Variants in ATP10B observed in about 807,000 individuals in gnomAD.
The protein encoded by ATP10B is ATPase phospholipid transporting 10B (putative).
ATP10B carries 122 observed loss-of-function variants against 141.2 expected under a neutral mutation model. The observed-to-expected ratio is 0.86, with a 90% CI of 0.75 to 1.00. ATP10B has a LOEUF of 1.00. Among genes scored for constraint, ATP10B ranks in the 50% least tolerant of loss-of-function variants. ATP10B has a pLI of 0.00. For missense variants in ATP10B, 1,876 were observed against 1,825.3 expected (o/e 1.03, Z -0.51); for synonymous variants, 685 against 692.0 (o/e 0.99, Z 0.16).
chr5:160,918,963 C>T, the ATP10B span, among the ~76,000 whole-genome samples: 27 of 151,894 alleles, frequency 1.8e-4, no homozygotes, highest in Admixed American at 4.6e-4. Context: ...CGGTGGCTCA[C>T]GCCTGTAATC....
At chr5:160,894,884 A>G in the ATP10B span, among the ~76,000 whole-genome samples, 2 of 152,224 alleles carry the variant, frequency 1.3e-5, no homozygotes, top group Non-Finnish European at 2.9e-5. Context: ...GCCAGAAGAA[A>G]GCGGGAGCCA....
chr5:160,889,339 G>C, the ATP10B span, among the ~76,000 whole-genome samples: 1 of 152,160 alleles, frequency 6.6e-6, no homozygotes, highest in Admixed American at 6.5e-5. Context: ...ACTCTTCAAG[G>C]TAAGACCTGC....
the ATP10B span, among the ~76,000 whole-genome samples, chr5:160,879,907 T>A: frequency 6.6e-6 from 1 of 152,032 alleles, no homozygotes; most frequent in Admixed American, 6.6e-5. Flanking sequence ...GGTTTCAGGA[T>A]ACGAAGTTAA....
intron 1 of ATP10B, among the ~76,000 whole-genome samples, chr5:160,787,105 G>GACACACACAC (rs58517660): frequency 3.1e-4 from 42 of 133,654 alleles, no homozygotes; most frequent in African/African-American, 6.8e-4. Context: ...TTTTGACACA[G>GACACACACAC]ACACACACAC....
At chr5:160,889,776 G>A in the ATP10B span, among the ~76,000 whole-genome samples, 2 of 152,150 alleles carry the variant, frequency 1.3e-5, no homozygotes, top group African/African-American at 4.8e-5. Context: ...TCCTGAATAG[G>A]CCTGCAGGGA....
Position 160,716,957 on chromosome 5 carries a change from GC to G in ATP10B, c.-254del, listed in dbSNP as rs1222435907. 2 of 985,286 alleles carry G rather than the reference GC, an allele frequency of 2.0e-6. No individual in the cohort carries two copies. Among genetic ancestry groups the G allele is most frequent in the East Asian group, 1.1e-4 (1 of 8,828 alleles). 61.0% of individuals were successfully genotyped at this position (985,286 alleles called of 1,614,324 possible). A position where few individuals can be genotyped will look rare whatever the true frequency, so the allele number is the denominator to read the frequency against. ...AGGTTAGACCAGTGACCTTTGCTGT[GC>G]CCCTACAGCCACAGGAAGAGGGGGC... is the stretch of plus-strand genomic sequence containing the variant. On this transcript the variant is annotated 5_prime_UTR_variant, in exon 3 of 26. Coordinates refer to ENST00000327245, the MANE Select transcript of ATP10B (RefSeq NM_025153.3).
chr5:160,596,906 G>T (rs558946441), intron 22 of ATP10B, among the ~76,000 whole-genome samples: 13 of 152,160 alleles, frequency 8.5e-5, no homozygotes, highest in African/African-American at 2.9e-4. Flanking sequence ...ATACAAAGAA[G>T]TGGAAGAACA....
intron 1 of ATP10B, among the ~76,000 whole-genome samples, chr5:160,790,883 C>G (rs762191711): frequency 6.6e-6 from 1 of 152,050 alleles, no homozygotes; most frequent in Non-Finnish European, 1.5e-5. Context: ...TCACATGAGT[C>G]CTTTAAGGTG....
At chr5:160,594,710 G>A (rs1448844120) in intron 22 of ATP10B, among the ~76,000 whole-genome samples, 41 of 150,096 alleles carry the variant, frequency 2.7e-4, no homozygotes, top group Middle Eastern at 3.2e-3. Context: ...CAAGCAAATG[G>A]AAAACAAAAA....
chr5:160,672,190 T>C (rs1476485428), intron 6 of ATP10B, among the ~76,000 whole-genome samples: 1 of 151,988 alleles, frequency 6.6e-6, no homozygotes, highest in Non-Finnish European at 1.5e-5. Context: ...TTGGCCAGGC[T>C]GGTCTCAAAC....
intron 14 of ATP10B, 39 bp from the exon 15 acceptor site, chr5:160,620,989 T>C (rs1302118059): frequency 1.3e-6 from 2 of 1,565,538 alleles, no homozygotes; most frequent in Admixed American, 3.7e-5. Context: ...TTACTCTCAA[T>C]GTTGGAAATA....
chr5:160,825,668 T>C (rs771539408), intron 1 of ATP10B, among the ~76,000 whole-genome samples: 1 of 152,248 alleles, frequency 6.6e-6, no homozygotes, highest in Non-Finnish European at 1.5e-5. Context: ...CAGTAGTCAG[T>C]AGCATCCTTT....
At chr5:160,783,446 CATATAT>C (rs368913170) in intron 2 of ATP10B, among the ~76,000 whole-genome samples, 1 of 120,582 alleles carries the variant, frequency 8.3e-6, no homozygotes, top group African/African-American at 3.1e-5. Context: ...ATATCCATCA[CATATAT>C]ATATATATAT....
At chr5:160,649,126 T>C in intron 8 of ATP10B, 45 bp downstream of exon 8, 1 of 1,359,716 alleles carries the variant, frequency 7.4e-7, no homozygotes, top group South Asian at 1.2e-5. Flanking sequence ...ATTTTCTAGC[T>C]GCAGCGGAGA....
the ATP10B span, among the ~76,000 whole-genome samples, chr5:160,921,755 G>A: frequency 6.6e-6 from 1 of 152,236 alleles, no homozygotes; most frequent in East Asian, 1.9e-4. Flanking sequence ...AGTTGAACAT[G>A]AAGGACTCAA....
intron 3 of ATP10B, among the ~76,000 whole-genome samples, chr5:160,689,390 G>A (rs988983515): frequency 6.6e-6 from 1 of 152,184 alleles, no homozygotes; most frequent in Non-Finnish European, 1.5e-5. Flanking sequence ...AATCAGGCAA[G>A]AGAAAGAAAT....
chr5:160,822,999 TAC>T (rs70990750), intron 1 of ATP10B, among the ~76,000 whole-genome samples: 5,006 of 32,722 alleles, frequency 0.15, 194 homozygotes, highest in South Asian at 0.19. Flanking sequence ...CATATATATA[TAC>T]ATATATATAT....
chr5:160,720,465 AG>A (rs1435494814), intron 2 of ATP10B, among the ~76,000 whole-genome samples: 6 of 152,218 alleles, frequency 3.9e-5, no homozygotes, highest in African/African-American at 1.4e-4. Context: ...TCTTTGCTCC[AG>A]GGTCCTCTGG....
intron 18 of ATP10B, among the ~76,000 whole-genome samples, chr5:160,609,245 A>T (rs1026137716): frequency 1.3e-5 from 2 of 152,226 alleles, no homozygotes; most frequent in South Asian, 2.1e-4. Flanking sequence ...GAGTCAAATT[A>T]TTAAGTAAAA....
Sources: gnomAD v4.1 joint callset for allele counts (sites outside exome capture counted in the v4.1 genomes callset) on GRCh38, gnomAD v4.1.1 for gene constraint, MANE v1.5 for transcripts, NCBI Gene and HGNC (gene_info 2026-07-23, HGNC 2026-07-21) for gene names.